The following SHANK2 variants were observed in gnomAD, a reference collection of about 807,000 sequenced individuals.
The protein encoded by SHANK2 is SH3 and multiple ankyrin repeat domains 2.
Under a neutral mutation model 133.7 loss-of-function variants are expected in SHANK2, and 43 were observed. That is an observed-to-expected ratio of 0.32 (90% CI 0.25 to 0.41). SHANK2 has a LOEUF of 0.41. Among genes scored for constraint, SHANK2 ranks in the 10% least tolerant of loss-of-function variants. The pLI is 1.00. For synonymous variants in SHANK2, 1,017 were observed against 952.8 expected (o/e 1.07, Z -1.24); for missense variants, 1,994 against 2,235.8 (o/e 0.89, Z 2.18).
chr11:70,603,371 C>T (rs974550272), intron 17 of SHANK2: 1 of 152,526 alleles, frequency 6.6e-6, no homozygotes, highest in African/African-American at 2.4e-5. Context: ...GCTTCCCTTC[C>T]TCCTCTGGGG....
chr11:70,651,521 A>C (rs2061339221), intron 17 of SHANK2, among the ~76,000 whole-genome samples: 1 of 152,224 alleles, frequency 6.6e-6, no homozygotes, highest in South Asian at 2.1e-4. Context: ...ACCACAGTGC[A>C]TTAAGCCTCA....
At chr11:70,632,124 ATTTTTG>A (rs546628446) in intron 17 of SHANK2, among the ~76,000 whole-genome samples, 10 of 151,954 alleles carry the variant, frequency 6.6e-5, no homozygotes, top group East Asian at 1.9e-4. Flanking sequence ...CTGAGCGGAC[ATTTTTG>A]TTTTTGTTTT....
chr11:70,910,497 T>A (rs1194065327), intron 10 of SHANK2, among the ~76,000 whole-genome samples: 1 of 152,084 alleles, frequency 6.6e-6, no homozygotes, highest in African/African-American at 2.4e-5. Context: ...ATGAAAAGTG[T>A]CACACCCACC....
chr11:70,565,347 C>T (rs1227729854), intron 17 of SHANK2, among the ~76,000 whole-genome samples: 4 of 152,220 alleles, frequency 2.6e-5, no homozygotes, highest in Non-Finnish European at 5.9e-5. Flanking sequence ...CAGGTTCAAG[C>T]AATTCTTCCT....
At chr11:70,651,472 C>A (rs2061338558) in intron 17 of SHANK2, among the ~76,000 whole-genome samples, 1 of 152,188 alleles carries the variant, frequency 6.6e-6, no homozygotes, top group South Asian at 2.1e-4. Context: ...CCATCCAGGG[C>A]TCCCCACAGA....
chr11:70,543,848 A>T (rs889731417), intron 17 of SHANK2, among the ~76,000 whole-genome samples: 1 of 151,658 alleles, frequency 6.6e-6, no homozygotes, highest in Non-Finnish European at 1.5e-5. Context: ...GGATCAACAC[A>T]CTCTCCAGGT....
intron 14 of SHANK2, among the ~76,000 whole-genome samples, chr11:70,794,221 C>CACTCTGG: frequency 6.8e-6 from 1 of 147,906 alleles, no homozygotes; most frequent in Non-Finnish European, 1.5e-5. Flanking sequence ...TGGGAGTTTG[C>CACTCTGG]AGTGAGCTGA....
At chr11:70,602,673 G>T (rs2060516637) in intron 17 of SHANK2, among the ~76,000 whole-genome samples, 1 of 152,128 alleles carries the variant, frequency 6.6e-6, no homozygotes, top group South Asian at 2.1e-4. Flanking sequence ...CTGAATAGTT[G>T]GACATTTTGA....
chr11:70,486,241 CCTT>C lies in SHANK2; in HGVS notation c.4049_4051del (p.Glu1350del). Reference sequence around the variant, plus strand: ...TAAAGCACCTTCGGTTTCGGAAACACCTTCTGGCACCTCGGACGGCGAGCTGTC... The same window carrying C: ...TAAAGCACCTTCGGTTTCGGAAACACCTGGCACCTCGGACGGCGAGCTGTC... On this transcript the variant is annotated inframe_deletion, in exon 25 of 26. Coordinates refer to ENST00000601538, the MANE Select transcript of SHANK2 (RefSeq NM_012309.5). The surrounding 1 kb of genome is among the most constrained non-coding windows in gnomAD (Gnocchi z 8.0). 1.9e-6 allele frequency: 3 copies of C among 1,614,020 alleles called. No homozygotes were observed. Among genetic ancestry groups the C allele is most frequent in the Non-Finnish European group, 2.5e-6 (3 of 1,180,024 alleles).
chr11:70,502,730 T>TGGGCGGGGGGGGGGGGGGG, intron 18 of SHANK2, 66 bp downstream of exon 18: 1 of 772,456 alleles, frequency 1.3e-6, no homozygotes. Flanking sequence ...CCAGCTGTCC[T>TGGGCGGGGGGGGGGGGGGG]GCCCGCCCCC....
intron 13 of SHANK2, among the ~76,000 whole-genome samples, chr11:70,803,783 G>C (rs1333199809): frequency 1.7e-4 from 26 of 149,790 alleles, no homozygotes; most frequent in African/African-American, 5.9e-4. Flanking sequence ...GCCAGGCACA[G>C]TGAAGGACAA....
intron 14 of SHANK2, among the ~76,000 whole-genome samples, chr11:70,786,338 G>A (rs1591843371): frequency 6.6e-6 from 1 of 152,286 alleles, no homozygotes; most frequent in Admixed American, 6.5e-5. Flanking sequence ...CTGGGTGGAG[G>A]TGAGGGCAGA....
At chr11:70,909,305 T>C (rs1402806772) in intron 10 of SHANK2, among the ~76,000 whole-genome samples, 1 of 152,186 alleles carries the variant, frequency 6.6e-6, no homozygotes. Context: ...ACTTTTCTAC[T>C]TGGCCTCCAG....
rs573377241 is a variant in SHANK2, at chr11:70,913,732, C to T, written c.1108-17165G>A. 7.2e-5 allele frequency among the ~76,000 whole-genome samples: 11 copies of T among 152,132 alleles called. No homozygotes were observed. The South Asian group carries it at 1.0e-3, about 14-fold the overall frequency. On this transcript the variant is annotated intron_variant, in intron 10 of 25. Coordinates refer to ENST00000601538, the MANE Select transcript of SHANK2 (RefSeq NM_012309.5). ...TCTAAACCCTGCCCCAGACTTCATG[C>T]GGAAACATACCCTAAAAAGGCATCC...
intron 11 of SHANK2, among the ~76,000 whole-genome samples, chr11:70,827,527 T>G (rs1262201339): frequency 6.6e-6 from 1 of 152,028 alleles, no homozygotes; most frequent in African/African-American, 2.4e-5. Context: ...GTGAGTTATT[T>G]CTACACCAGG....
chr11:71,208,184 C>T (rs1431903095), intron 2 of SHANK2, among the ~76,000 whole-genome samples: 1 of 152,124 alleles, frequency 6.6e-6, no homozygotes, highest in Non-Finnish European at 1.5e-5. Flanking sequence ...ACTGTGCACC[C>T]AGTGTGGCAG....
At position 71,175,598 on chromosome 11, in the gene SHANK2, G is replaced by GAGAGAGAC. The variant is rs1953424962; in HGVS notation, c.-12-28261_-12-28260insGTCTCTCT. Among the ~76,000 whole-genome samples, 2 of 107,396 alleles carry GAGAGAGAC rather than the reference G, an allele frequency of 1.9e-5. No homozygotes were observed. The highest frequency in any genetic ancestry group is 6.6e-5 in the African/African-American group (2 of 30,122). 70.5% of individuals were successfully genotyped at this position (107,396 alleles called of 152,430 possible). On this transcript the variant is annotated intron_variant, in intron 2 of 25. Coordinates refer to ENST00000601538, the MANE Select transcript of SHANK2 (RefSeq NM_012309.5). The surrounding 1 kb of genome is among the most constrained non-coding windows in gnomAD (Gnocchi z 4.2). ...AGAGAGAGAGAGAGAGAGAGAGAGAGAGAGACAGAGACAGAGACATCGCTT... is the reference window on the plus strand; with the variant it reads ...AGAGAGAGAGAGAGAGAGAGAGAGAGAGAGAGACAGAGACAGAGACAGAGACATCGCTT...
chr11:71,118,733 G>A lies in SHANK2; in HGVS notation c.411+96C>T, dbSNP rs116491124. 3,432 of 1,028,282 alleles carry A rather than the reference G, an allele frequency of 3.3e-3. 91 individuals are homozygous for A. In the African/African-American group the frequency reaches 0.051, roughly 15 times the overall value. 63.7% of individuals were successfully genotyped at this position (1,028,282 alleles called of 1,614,324 possible). On this transcript the variant is annotated intron_variant, in intron 4 of 25. Transcript: ENST00000601538. ...GTGGGGATAATTTCCCAATGCAAAT[G>A]GAATTGGTCTCGCCCCACCACCATG...
chr11:70,948,511 T>G (rs1950787501), intron 10 of SHANK2, among the ~76,000 whole-genome samples: 1 of 152,234 alleles, frequency 6.6e-6, no homozygotes, highest in African/African-American at 2.4e-5. Context: ...AAATACAACT[T>G]CCACTTCCCT....
Sources: allele counts gnomAD v4.1 joint callset (sites outside exome capture counted in the v4.1 genomes callset), GRCh38; gene constraint gnomAD v4.1.1; non-coding constraint Gnocchi (gnomAD v3.1); transcripts MANE v1.5; gene names NCBI Gene and HGNC (gene_info 2026-07-23, HGNC 2026-07-21).